ALDH7A1: variants seen among roughly 807,000 people sequenced by gnomAD.
ALDH7A1 encodes the protein alpha-aminoadipic semialdehyde dehydrogenase.
Under a neutral mutation model 79.9 loss-of-function variants are expected in ALDH7A1, and 63 were observed. The observed-to-expected ratio is 0.79, with a 90% CI of 0.64 to 0.97. The LOEUF (loss-of-function observed/expected upper bound fraction) is 0.97, where lower values mean the gene tolerates loss of function less well. ALDH7A1 is among the 50% of genes least tolerant of loss of function. The pLI is 0.00. For synonymous variants in ALDH7A1, 240 were observed against 231.2 expected, an observed-to-expected ratio of 1.04 and a Z score of -0.34; for missense variants, 627 against 665.2, an observed-to-expected ratio of 0.94 and a Z score of 0.63.
chr5:126,562,558 T>C (rs1750437737), intron 9 of ALDH7A1: 1 of 151,910 alleles, frequency 6.6e-6, no homozygotes, highest in African/African-American at 2.4e-5. Flanking sequence ...TACACGATAG[T>C]TGTACGTTGG....
rs1454277312 is a variant in ALDH7A1, at chr5:126,549,649, G to A, written c.1489+280C>T. 7 of 362,530 alleles carry A rather than the reference G, an allele frequency of 1.9e-5. No homozygotes were observed. The East Asian group carries it at 3.2e-4, about 17-fold the overall frequency. 22.5% of individuals were successfully genotyped at this position (362,530 alleles called of 1,614,324 possible). On this transcript the variant is annotated intron_variant, in intron 16 of 17. Coordinates refer to ENST00000409134, the MANE Select transcript of ALDH7A1 (RefSeq NM_001182.5). The stretch of plus-strand genomic sequence containing the variant: ...GGATTCTTAATCTTTTTTGGGTCTG[G>A]AAACTTCTCCCCAGAAAACAAATGC...
At chr5:126,586,779 G>A (rs1468138747) in intron 3 of ALDH7A1, 2 of 152,336 alleles carry the variant, frequency 1.3e-5, no homozygotes, top group African/African-American at 4.8e-5. Context: ...TGAAAAGCAA[G>A]AGAAAGTGGT....
At chr5:126,565,127 G>A (rs538907141) in intron 9 of ALDH7A1, among the ~76,000 whole-genome samples, 1 of 152,230 alleles carries the variant, frequency 6.6e-6, no homozygotes, top group South Asian at 2.1e-4. Flanking sequence ...TGGTGCGGTG[G>A]CTTATGCCTG....
rs1210400291 is a variant in ALDH7A1 at position 126,554,381 on chromosome 5, T to C, written c.1106A>G (p.Tyr369Cys). ...TGCCTGCTTGGTGTGGAGTGGCCCA[T>C]AGAGAACATTAGCTGGAGAGAGAAA... is the stretch of plus-strand genomic sequence containing the variant. ...VGNPWDPNVL[Y>C]GPLHTKQAVS... The change falls in exon 13 of 18, where the codon TAT becomes TGT. Residue 369 changes from tyrosine (Y) to cysteine (C), a missense_variant. Transcript: ENST00000409134. 1.9e-6 allele frequency: 3 copies of C among 1,613,890 alleles called. No individual in the cohort carries two copies. The highest frequency in any genetic ancestry group is 1.3e-5 in the African/African-American group (1 of 74,898).
At chr5:126,580,447 A>C (rs934235707) in intron 5 of ALDH7A1, among the ~76,000 whole-genome samples, 18 of 152,148 alleles carry the variant, frequency 1.2e-4, no homozygotes, top group Non-Finnish European at 1.9e-4. Context: ...TCAATGACAT[A>C]AAATTAATAT....
Position 126,550,268 on chromosome 5 carries a change from T to C in ALDH7A1, c.1343A>G (p.Asn448Ser). 6.2e-7 allele frequency: 1 copy of C among 1,613,500 alleles called. No homozygotes were observed. The highest frequency in any genetic ancestry group is 8.5e-7 in the Non-Finnish European group (1 of 1,179,648). Residue 448 changes from asparagine (N) to serine (S), a missense_variant, in exon 15 of 18, where the codon AAT becomes AGT. Transcript: ENST00000409134. Reference sequence around the variant, plus strand: ...TGAAAGTCCCTGTTTTACTTCATTATTCCATGCAAAGACCTCTTCTTCATT... The same window carrying C: ...TGAAAGTCCCTGTTTTACTTCATTACTCCATGCAAAGACCTCTTCTTCATT... ...FKNEEEVFAW[N>S]NEVKQGLSSS...
chr5:126,547,886 C>T (rs1169569483), intron 16 of ALDH7A1, among the ~76,000 whole-genome samples: 1 of 151,978 alleles, frequency 6.6e-6, no homozygotes, highest in Non-Finnish European at 1.5e-5. Context: ...CCCATCTCTA[C>T]TAAAAAAATA....
intron 5 of ALDH7A1, 188 bp downstream of exon 5, chr5:126,582,663 A>G (rs1751215688): frequency 1.4e-6 from 1 of 719,374 alleles, no homozygotes; most frequent in African/African-American, 1.8e-5. Flanking sequence ...TCTTTAAAAC[A>G]AAAAGGTTCT....
Position 126,568,258 on chromosome 5 carries a change from C to T in ALDH7A1, c.871+1G>A. On this transcript the variant is annotated splice_donor_variant, in intron 9 of 17. Coordinates refer to ENST00000409134, the MANE Select transcript of ALDH7A1 (RefSeq NM_001182.5). LOFTEE classifies it high-confidence loss of function. Reference sequence around the variant, plus strand: ...ATCCTCATTAGAAAGCCAACACTTACCAAACCTCTCCTGCACCATCAGGCC... The same window carrying T: ...ATCCTCATTAGAAAGCCAACACTTATCAAACCTCTCCTGCACCATCAGGCC... 1 of 1,614,038 alleles carries T rather than the reference C, an allele frequency of 6.2e-7. No homozygotes were observed. The highest frequency in any genetic ancestry group is 8.5e-7 in the Non-Finnish European group (1 of 1,179,914).
chr5:126,580,384 A>C lies in ALDH7A1; in HGVS notation c.517+2467T>G, dbSNP rs539062764. 1.0e-3 allele frequency among the ~76,000 whole-genome samples: 155 copies of C among 152,274 alleles called. 2 individuals carry two copies. The highest frequency in any genetic ancestry group is 3.4e-3 in the Middle Eastern group (1 of 294). On this transcript the variant is annotated intron_variant, in intron 5 of 17. Coordinates refer to ENST00000409134, the MANE Select transcript of ALDH7A1 (RefSeq NM_001182.5). ...AGTGCTGGGATTACAGGCGTGAGCC[A>C]CCACGGTGGGCCTATTAACTTTTCT...
chr5:126,589,460 T>A (rs993602449), intron 3 of ALDH7A1, among the ~76,000 whole-genome samples: 1 of 151,984 alleles, frequency 6.6e-6, no homozygotes, highest in African/African-American at 2.4e-5. Flanking sequence ...CTGGTCTATT[T>A]TTTTGTTTTT....
rs574036505 is a variant in ALDH7A1, at chr5:126,543,993, G to A, written c.*972C>T. The A allele has an allele frequency of 7.3e-6, 1 of 136,502 alleles. No individual in the cohort carries two copies. The highest frequency in any genetic ancestry group is 2.0e-4 in the East Asian group (1 of 4,910). The allele number at this position is 136,502 out of a possible 1,614,324, so 8.5% of individuals were successfully genotyped here. A position where few individuals can be genotyped will look rare whatever the true frequency, so the allele number is the denominator to read the frequency against. On this transcript the variant is annotated 3_prime_UTR_variant, in exon 18 of 18. Transcript: ENST00000409134. ...TTTTTTTTTTTTTTTTTGTAGACAGGATCTCACTGTTGCCCAGGCAGTGGC... is the reference window on the plus strand; with the variant it reads ...TTTTTTTTTTTTTTTTTGTAGACAGAATCTCACTGTTGCCCAGGCAGTGGC...
At chr5:126,556,239 CT>C (rs35367836) in intron 11 of ALDH7A1, among the ~76,000 whole-genome samples, 122 of 97,926 alleles carry the variant, frequency 1.2e-3, no homozygotes, top group East Asian at 2.9e-3. Context: ...TAAGCCATGT[CT>C]TTTTTTTTTT....
intron 13 of ALDH7A1, among the ~76,000 whole-genome samples, chr5:126,553,779 ACT>A (rs1475174499): frequency 1.3e-5 from 2 of 151,948 alleles, no homozygotes; most frequent in Non-Finnish European, 2.9e-5. Context: ...GCACCACTGC[ACT>A]CCAGCCTAGG....
intron 16 of ALDH7A1, among the ~76,000 whole-genome samples, chr5:126,548,064 A>G (rs1158556776): frequency 6.6e-6 from 1 of 152,144 alleles, no homozygotes; most frequent in African/African-American, 2.4e-5. Flanking sequence ...AAAAAAAAAA[A>G]GAATCTCAAT....
intron 12 of ALDH7A1, 59 bp from the exon 13 acceptor site, chr5:126,554,452 AT>A: frequency 1.5e-6 from 2 of 1,354,526 alleles, no homozygotes; most frequent in South Asian, 1.2e-5. Context: ...TCGTTTTATT[AT>A]TAGAACAGCT....
At position 126,593,343 on chromosome 5, in the gene ALDH7A1, A is replaced by ACACACACACACT. The variant is rs1751619608; in HGVS notation, c.246+7_246+8insAGTGTGTGTGTG. 1 of 1,608,156 alleles carries ACACACACACACT rather than the reference A, an allele frequency of 6.2e-7. No homozygotes were observed. Among genetic ancestry groups the ACACACACACACT allele is most frequent in the East Asian group, 2.2e-5 (1 of 44,736 alleles). On this transcript the variant is annotated splice_region_variant and intron_variant, in intron 2 of 17. Transcript: ENST00000409134. ...CACACACACACACACACACACACAC[A>ACACACACACACT]CTCTTACCTGTCGGACTCTTGCTAT...
rs370869432 is a variant in ALDH7A1, at chr5:126,555,931, G to A, written c.1093C>T (p.Pro365Ser). ...TTTGAAAGCAGAAGGAGATACTCAC[G>A]GTCCCATGGGTTCCCAACTCGGATC... ...AQIRVGNPWD[P>S]NVLYGPLHTK... Residue 365 changes from proline to serine, a missense_variant and splice_region_variant, in exon 12 of 18, where the codon CCT becomes TCT. Pro to Ser is a moderately conservative substitution (Grantham distance 74). Coordinates refer to ENST00000409134, the MANE Select transcript of ALDH7A1 (RefSeq NM_001182.5). The A allele has an allele frequency of 1.8e-5, 29 of 1,610,112 alleles. No individual in the cohort carries two copies. The highest frequency in any genetic ancestry group is 1.6e-4 in the Middle Eastern group (1 of 6,076).
At chr5:126,594,134 G>C (rs760863665) in intron 1 of ALDH7A1, 2 of 461,446 alleles carry the variant, frequency 4.3e-6, no homozygotes, top group South Asian at 3.1e-5. Context: ...ATAAAACATT[G>C]TTTTGAGCAG....
Sources: gnomAD v4.1 joint callset for allele counts (sites outside exome capture counted in the v4.1 genomes callset) on GRCh38, gnomAD v4.1.1 for gene constraint, MANE v1.5 for transcripts, NCBI Gene and HGNC (gene_info 2026-07-23, HGNC 2026-07-21) for gene names.